OBSL1: variants seen among roughly 807,000 people sequenced by gnomAD.
OBSL1 encodes obscurin like cytoskeletal adaptor 1, also known as obscurin-like protein 1.
OBSL1 carries 160 observed loss-of-function variants against 172.0 expected under a neutral mutation model. The observed-to-expected ratio is 0.93, with a 90% CI of 0.82 to 1.06. The LOEUF (loss-of-function observed/expected upper bound fraction) is 1.06, where lower values mean the gene tolerates loss of function less well. Among genes scored for constraint, OBSL1 ranks in the 50% least tolerant of loss-of-function variants. OBSL1 has a pLI of 0.00. For missense variants in OBSL1, 2,681 were observed against 2,715.4 expected (o/e 0.99, Z 0.28); for synonymous variants, 1,200 against 1,196.3 (o/e 1.00, Z -0.06).
At chr2:219,549,204 G>A, downstream of OBSL1, 1 of 1,614,018 alleles carries the variant, frequency 6.2e-7, no homozygotes, top group Non-Finnish European at 8.5e-7. Context: ...TTCGGCAGCA[G>A]GAAGATCGCA....
At position 219,571,205 on chromosome 2, in the gene OBSL1, TC is replaced by T. The variant is rs755912369; in HGVS notation, c.27del (p.Ser10AlafsTer15). ...GGGAAGCGCAGGAAGCACGGGGGGC[TC>T]CCCTGATCCCCCGAGCTCGCCTTCA... MKASSGDQ[G>X]SPPCFLRFPR... On this transcript the variant is annotated frameshift_variant, in exon 1 of 21. Coordinates refer to ENST00000404537, the MANE Select transcript of OBSL1 (RefSeq NM_015311.3). LOFTEE classifies it high-confidence loss of function. 3.7e-6 allele frequency: 5 copies of T among 1,361,136 alleles called. No homozygotes were observed. The highest frequency in any genetic ancestry group is 3.0e-5 in the South Asian group (2 of 65,698). The allele number at this position is 1,361,136 out of a possible 1,614,324, so 84.3% of individuals were successfully genotyped here.
At chr2:219,562,329 G>A in intron 8 of OBSL1, 73 bp downstream of exon 8, 1 of 1,553,554 alleles carries the variant, frequency 6.4e-7, no homozygotes, top group Non-Finnish European at 8.8e-7. Context: ...GGTGCTAGCT[G>A]GGGCTATGTG....
In OBSL1 at chr2:219,567,975, A is replaced by T. The variant is rs766962624; in HGVS notation, c.1283-6T>A. 9 of 1,612,988 alleles carry T rather than the reference A, an allele frequency of 5.6e-6. No homozygotes were observed. The African/African-American group carries it at 1.2e-4, about 22-fold the overall frequency. On this transcript the variant is annotated splice_polypyrimidine_tract_variant and splice_region_variant and intron_variant, in intron 2 of 20. Transcript: ENST00000404537. ...CAGGCGCTTCAGGATGGGCCCTGAG[A>T]TGCGGACAGGAATCCATCAACCTGG... is the stretch of plus-strand genomic sequence containing the variant.
intron 8 of OBSL1, chr2:219,561,846 G>A: frequency 1.4e-6 from 1 of 717,072 alleles, no homozygotes; most frequent in South Asian, 1.5e-5. Context: ...AGGGAGGTGG[G>A]ACAGAGGAAT....
intron 5 of OBSL1, among the ~76,000 whole-genome samples, chr2:219,566,096 G>T (rs1226104626): frequency 6.6e-6 from 1 of 152,180 alleles, no homozygotes; most frequent in Non-Finnish European, 1.5e-5. Flanking sequence ...CATTAGCTCC[G>T]TACTTTGAGC....
chr2:219,548,892 T>A (rs941787021), downstream of OBSL1, among the ~76,000 whole-genome samples: 59 of 151,956 alleles, frequency 3.9e-4, no homozygotes, highest in African/African-American at 1.3e-3. Context: ...CCTAGGTGAT[T>A]GGGAGAGGGA....
rs986498879 is a variant in OBSL1 at position 219,551,341 on chromosome 2, A to G, written c.5683+188T>C. The G allele has an allele frequency of 2.8e-6, 4 of 1,412,874 alleles. No individual in the cohort carries two copies. The South Asian group carries it at 4.7e-5, about 17-fold the overall frequency. 87.5% of individuals were successfully genotyped at this position (1,412,874 alleles called of 1,614,324 possible). A position where few individuals can be genotyped will look rare whatever the true frequency, so the allele number is the denominator to read the frequency against. ...CAGCTGACCAGGAGCAGCTGATCTG[A>G]GCCAAGCAGTTCCAGGGCTTTCCAG... On this transcript the variant is annotated intron_variant, in intron 20 of 20. Coordinates refer to ENST00000404537, the MANE Select transcript of OBSL1 (RefSeq NM_015311.3).
chr2:219,564,749 G>A (rs1056796200), intron 6 of OBSL1, among the ~76,000 whole-genome samples: 2 of 152,156 alleles, frequency 1.3e-5, no homozygotes, highest in Non-Finnish European at 2.9e-5. Flanking sequence ...GGCCAGCCTG[G>A]GCAACAGTGA....
chr2:219,553,774 C>G, intron 15 of OBSL1, 88 bp from the exon 16 acceptor site: 1 of 862,732 alleles, frequency 1.2e-6, no homozygotes. Context: ...TTGGGCACAA[C>G]AGGCAGTAGA....
chr2:219,566,762 C>T, intron 5 of OBSL1, 68 bp downstream of exon 5: 2 of 1,464,094 alleles, frequency 1.4e-6, no homozygotes, highest in South Asian at 2.9e-5. Context: ...CAGCATCTGC[C>T]TCGTTTTGCC....
At chr2:219,547,558 G>A (rs201830849), downstream of OBSL1, 12 of 1,461,432 alleles carry the variant, frequency 8.2e-6, no homozygotes, top group African/African-American at 2.9e-5. Context: ...TGTTTGGCTC[G>A]GTGGTCATCT....
downstream of OBSL1, chr2:219,550,696 G>A: frequency 8.4e-7 from 1 of 1,186,672 alleles, no homozygotes; most frequent in Non-Finnish European, 1.2e-6. Context: ...GGCAAGGTCT[G>A]CCCCCCCACA....
In OBSL1 at chr2:219,570,764, G is replaced by C; in HGVS notation, c.469C>G (p.Pro157Ala). 3.4e-6 allele frequency: 5 copies of C among 1,490,344 alleles called. No homozygotes were observed. The highest frequency in any genetic ancestry group is 4.4e-6 in the Non-Finnish European group (5 of 1,126,944). 92.3% of individuals were successfully genotyped at this position (1,490,344 alleles called of 1,614,324 possible). A position where few individuals can be genotyped will look rare whatever the true frequency, so the allele number is the denominator to read the frequency against. The change falls in exon 1 of 21, where the codon CCC becomes GCC. Residue 157 changes from proline to alanine, a missense_variant. By Grantham distance (27) the Pro-to-Ala change is conservative. Around this residue, in one of 5 missense-constraint regions of OBSL1, gnomAD observed 706 missense variants for 695.8 expected, o/e 1.01. Coordinates refer to ENST00000404537, the MANE Select transcript of OBSL1 (RefSeq NM_015311.3). The part of the protein sequence containing the change: ...LTCRAGGLPE[P>A]TLYWEKDGMA... ...CCGTCCTTCTCCCAGTACAGTGTGGGCTCGGGGAGGCCCCCCGCCCGGCAC... is the reference window on the plus strand; with the variant it reads ...CCGTCCTTCTCCCAGTACAGTGTGGCCTCGGGGAGGCCCCCCGCCCGGCAC...
At chr2:219,550,008 T>C (rs1695520062), downstream of OBSL1, 1 of 1,073,984 alleles carries the variant, frequency 9.3e-7, no homozygotes, top group South Asian at 1.7e-5. Flanking sequence ...CTCAGGCGAG[T>C]CTTGGCCTGA....
At chr2:219,561,862 C>T (rs766506328) in intron 8 of OBSL1, 61 of 717,140 alleles carry the variant, frequency 8.5e-5, no homozygotes, top group South Asian at 3.0e-4. Flanking sequence ...GGAATGTGGG[C>T]CCCAAACTAT....
Position 219,570,370 on chromosome 2 carries a change from G to C in OBSL1, c.863C>G (p.Pro288Arg), listed in dbSNP as rs1305729153. 1.2e-6 allele frequency: 2 copies of C among 1,612,830 alleles called. No individual in the cohort carries two copies. Among genetic ancestry groups the C allele is most frequent in the African/African-American group, 1.3e-5 (1 of 74,920 alleles). ...EWHWEGRPLL[P>R]DRRRLMYRDR... is the part of the protein sequence containing the mutation. Reference sequence around the variant, plus strand: ...GCGGTACATGAGGCGGCGGCGGTCCGGGAGCAGCGGGCGGCCCTCCCAGTG... The same window carrying C: ...GCGGTACATGAGGCGGCGGCGGTCCCGGAGCAGCGGGCGGCCCTCCCAGTG... Residue 288 changes from proline (P) to arginine (R), a missense_variant, in exon 1 of 21, where the codon CCG (proline) becomes CGG (arginine). By Grantham distance (103) the Pro-to-Arg change is moderately radical. Around this residue, in one of 5 missense-constraint regions of OBSL1, gnomAD observed 706 missense variants for 695.8 expected, o/e 1.01. Transcript: ENST00000404537.
downstream of OBSL1, chr2:219,549,283 G>C (rs1251293208): frequency 6.2e-7 from 1 of 1,613,920 alleles, no homozygotes; most frequent in African/African-American, 1.3e-5. Context: ...TCCCAGGCCT[G>C]GGCCACCAGA....
downstream of OBSL1, chr2:219,547,398 T>A: frequency 1.1e-6 from 1 of 883,922 alleles, no homozygotes; most frequent in Non-Finnish European, 1.6e-6. Context: ...GATCTTAGTG[T>A]CTTTGTCTCT....
intron 12 of OBSL1, chr2:219,556,962 C>A (rs1696057849): frequency 3.8e-6 from 2 of 532,970 alleles, no homozygotes; most frequent in East Asian, 2.9e-5. Flanking sequence ...CTAATAATAT[C>A]AATTACCAGG....
Sources: gnomAD v4.1 joint callset for allele counts (sites outside exome capture counted in the v4.1 genomes callset) on GRCh38, gnomAD v4.1.1 for gene constraint, gnomAD v4.1.1 regional missense constraint, MANE v1.5 for transcripts, NCBI Gene and HGNC (gene_info 2026-07-23, HGNC 2026-07-21) for gene names.